Variants in MAGI3 observed in about 807,000 individuals in gnomAD.
The protein encoded by MAGI3 is membrane associated guanylate kinase, WW and PDZ domain containing 3, also known as membrane-associated guanylate kinase, WW and PDZ domain-containing protein 3.
MAGI3 carries 43 observed loss-of-function variants against 121.8 expected under a neutral mutation model. That is an observed-to-expected ratio of 0.35 (90% CI 0.28 to 0.46). MAGI3 has a LOEUF of 0.46. Ranked by LOEUF, MAGI3 falls within the 20% of genes least tolerant of loss-of-function variation. MAGI3 has a pLI of 1.00. For missense variants in MAGI3, 1,547 were observed against 1,797.3 expected (o/e 0.86, Z 2.52); for synonymous variants, 553 against 639.3 (o/e 0.86, Z 2.04).
chr1:113,487,555 T>C (rs12354140), intron 1 of MAGI3, among the ~76,000 whole-genome samples: 23,874 of 152,054 alleles, frequency 0.16, 2,224 homozygotes, highest in Non-Finnish European at 0.2. Flanking sequence ...TTAATAAGCA[T>C]GAGGTATGCA....
chr1:113,618,935 T>C (rs553510449), intron 7 of MAGI3, among the ~76,000 whole-genome samples: 1 of 152,364 alleles, frequency 6.6e-6, no homozygotes, highest in South Asian at 2.1e-4. Context: ...TTTTACAGCA[T>C]TTCCTTTCTT....
intron 1 of MAGI3, among the ~76,000 whole-genome samples, chr1:113,431,729 GAA>G (rs1352211800): frequency 6.6e-6 from 1 of 152,048 alleles, no homozygotes; most frequent in Non-Finnish European, 1.5e-5. Context: ...TAAATGGAGA[GAA>G]AAAATATTTT....
intron 6 of MAGI3, among the ~76,000 whole-genome samples, chr1:113,609,327 A>C (rs1432114268): frequency 6.6e-6 from 1 of 152,234 alleles, no homozygotes; most frequent in Non-Finnish European, 1.5e-5. Context: ...CTGAACATTT[A>C]AGATCTTCTA....
chr1:113,522,286 G>A (rs1371091212), intron 1 of MAGI3, among the ~76,000 whole-genome samples: 4 of 152,126 alleles, frequency 2.6e-5, no homozygotes, highest in South Asian at 2.1e-4. Context: ...TGTATTTTTA[G>A]TGGAGATGGG....
intron 1 of MAGI3, among the ~76,000 whole-genome samples, chr1:113,529,240 G>A (rs1474641399): frequency 6.6e-6 from 1 of 152,138 alleles, no homozygotes; most frequent in Non-Finnish European, 1.5e-5. Context: ...AACTGTCCTT[G>A]TTAATTAGCG....
At chr1:113,525,412 C>T (rs1005508392) in intron 1 of MAGI3, among the ~76,000 whole-genome samples, 8 of 151,918 alleles carry the variant, frequency 5.3e-5, no homozygotes, top group Non-Finnish European at 8.8e-5. Context: ...GACTATAGGG[C>T]AGTAGCTTGC....
chr1:113,590,803 A>G, intron 5 of MAGI3, 145 bp downstream of exon 5: 2 of 722,750 alleles, frequency 2.8e-6, no homozygotes, highest in Non-Finnish European at 4.3e-6. Context: ...TAAAACTGAC[A>G]GTTGATTTTT....
intron 1 of MAGI3, among the ~76,000 whole-genome samples, chr1:113,496,584 T>C (rs1214192609): frequency 6.6e-6 from 1 of 152,254 alleles, no homozygotes; most frequent in African/African-American, 2.4e-5. Context: ...GTTTCTTGTT[T>C]GTTTATCTGT....
At chr1:113,412,179 A>C (rs1652037408) in intron 1 of MAGI3, among the ~76,000 whole-genome samples, 1 of 151,970 alleles carries the variant, frequency 6.6e-6, no homozygotes, top group Non-Finnish European at 1.5e-5. Context: ...AGCTTCATCC[A>C]TGTCCCTGCA....
chr1:113,473,201 C>T (rs372626341), intron 1 of MAGI3, among the ~76,000 whole-genome samples: 72 of 152,258 alleles, frequency 4.7e-4, no homozygotes, highest in African/African-American at 1.7e-3. Context: ...TTCTGAAGGA[C>T]ACCTTTGCTA....
intron 1 of MAGI3, among the ~76,000 whole-genome samples, chr1:113,473,731 G>A (rs574844269): frequency 6.6e-6 from 1 of 152,232 alleles, no homozygotes; most frequent in African/African-American, 2.4e-5. Flanking sequence ...AAACATATGT[G>A]TGCATGTGTC....
intron 1 of MAGI3, among the ~76,000 whole-genome samples, chr1:113,485,611 G>A (rs1458580627): frequency 6.6e-6 from 1 of 152,152 alleles, no homozygotes; most frequent in Non-Finnish European, 1.5e-5. Context: ...CACTCTGTGG[G>A]TTGTCAATTA....
chr1:113,542,114 C>A (rs865976265), intron 1 of MAGI3, among the ~76,000 whole-genome samples: 8 of 152,176 alleles, frequency 5.3e-5, no homozygotes, highest in South Asian at 2.1e-4. Context: ...GTAGTCCCCC[C>A]CTCCTTATTC....
intron 1 of MAGI3, among the ~76,000 whole-genome samples, chr1:113,534,858 T>C (rs997342615): frequency 6.6e-6 from 1 of 152,184 alleles, no homozygotes; most frequent in African/African-American, 2.4e-5. Context: ...GTTTAATTGT[T>C]TTTCTCCTGT....
intron 3 of MAGI3, among the ~76,000 whole-genome samples, chr1:113,582,010 A>G (rs1311257193): frequency 1.3e-5 from 2 of 151,936 alleles, no homozygotes; most frequent in African/African-American, 4.8e-5. Context: ...TTCTTCCACT[A>G]AATATAAGAG....
chr1:113,429,564 A>G (rs555750273), intron 1 of MAGI3, among the ~76,000 whole-genome samples: 1 of 152,264 alleles, frequency 6.6e-6, no homozygotes, highest in East Asian at 1.9e-4. Flanking sequence ...AAGGTGACCA[A>G]TCAGAGGCTG....
chr1:113,448,299 T>G (rs1023048642), intron 1 of MAGI3, among the ~76,000 whole-genome samples: 1 of 152,356 alleles, frequency 6.6e-6, no homozygotes, highest in African/African-American at 2.4e-5. Context: ...GGTTATAATA[T>G]TAGAATAGGC....
At chr1:113,482,877 C>G (rs984107771) in intron 1 of MAGI3, among the ~76,000 whole-genome samples, 7 of 151,800 alleles carry the variant, frequency 4.6e-5, no homozygotes, top group African/African-American at 1.7e-4. Context: ...ATGATCTTGG[C>G]TCACTGCAGC....
intron 2 of MAGI3, among the ~76,000 whole-genome samples, chr1:113,571,256 CG>C (rs1203650027): frequency 1.2e-4 from 19 of 152,220 alleles, no homozygotes; most frequent in Non-Finnish European, 2.5e-4. Context: ...TTCTATGTAT[CG>C]GTTTTGGTAC....
Sources: gnomAD v4.1 joint callset for allele counts (sites outside exome capture counted in the v4.1 genomes callset) on GRCh38, gnomAD v4.1.1 for gene constraint, MANE v1.5 for transcripts, NCBI Gene and HGNC (gene_info 2026-07-23, HGNC 2026-07-21) for gene names.